Variants in GDF6 observed in about 807,000 individuals in gnomAD.
GDF6 encodes the protein growth/differentiation factor 6.
In GDF6, 3 loss-of-function variants were observed where a neutral mutation model predicts 32.4. The observed-to-expected ratio is 0.09, with a 90% CI of 0.04 to 0.24. GDF6 has a LOEUF of 0.24. GDF6 is among the 10% of genes least tolerant of loss of function. The pLI, the probability that GDF6 is intolerant of heterozygous loss-of-function variation, is 1.00. For missense variants in GDF6, 589 were observed against 637.9 expected, an observed-to-expected ratio of 0.92 and a Z score of 0.83; for synonymous variants, 296 against 295.3, an observed-to-expected ratio of 1.00 and a Z score of -0.03.
chr8:96,156,021 C>A (rs945541097), intron 1 of GDF6, among the ~76,000 whole-genome samples: 2 of 152,148 alleles, frequency 1.3e-5, no homozygotes, highest in Non-Finnish European at 2.9e-5. Flanking sequence ...TCCTGCTCTG[C>A]CCTTTGGTAA....
At position 96,143,796 on chromosome 8, in the gene GDF6, A is replaced by G. The variant is rs569599062; in HGVS notation, c.*767T>C. The G allele has an allele frequency of 3.6e-3, 559 of 153,186 alleles. 4 individuals are homozygous for G. Among genetic ancestry groups the G allele is most frequent in the Non-Finnish European group, 4.7e-3 (321 of 68,414 alleles). The allele number at this position is 153,186 out of a possible 1,614,324, so 9.5% of individuals were successfully genotyped here. ...CTTGCCCCCACCAGAAAAAGCAACAATGAAGGCAGAGACCTGGGCCCTCAG... is the reference window on the plus strand; with the variant it reads ...CTTGCCCCCACCAGAAAAAGCAACAGTGAAGGCAGAGACCTGGGCCCTCAG... On this transcript the variant is annotated 3_prime_UTR_variant, in exon 2 of 2. Transcript: ENST00000287020.
In GDF6 at chr8:96,160,384, C is replaced by G. The variant is rs374850065; in HGVS notation, c.309G>C (p.Arg103Ser). 1.2e-6 allele frequency: 2 copies of G among 1,614,086 alleles called. No individual in the cohort carries two copies. Among genetic ancestry groups the G allele is most frequent in the Non-Finnish European group, 1.7e-6 (2 of 1,180,038 alleles). The change falls in exon 1 of 2, where the codon AGG becomes AGC. Residue 103 changes from arginine (R) to serine (S), a missense_variant. Arg to Ser is a moderately radical substitution (Grantham distance 110). Around this residue, in one of 2 missense-constraint regions of GDF6, gnomAD observed 436 missense variants for 411.2 expected, o/e 1.06. Coordinates refer to ENST00000287020, the MANE Select transcript of GDF6 (RefSeq NM_001001557.4). ...CCAGCTTCTCAGCGATGGAGTAAGT[C>G]CTGTAGATTGACAGCATGTACTCGT... Reference protein sequence around the residue: ...VPHEYMLSIYRTYSIAEKLGI... With the variant: ...VPHEYMLSIYSTYSIAEKLGI...
At chr8:96,146,423 C>T (rs902909725) in intron 1 of GDF6, among the ~76,000 whole-genome samples, 12 of 151,850 alleles carry the variant, frequency 7.9e-5, no homozygotes, top group Non-Finnish European at 1.8e-4. Context: ...TGCTGCCCAT[C>T]AGGCGGTTTT....
At position 96,145,288 on chromosome 8, in the gene GDF6, A is replaced by G. The variant is rs2130207617; in HGVS notation, c.643T>C (p.Phe215Leu). 9 of 1,528,720 alleles carry G rather than the reference A, an allele frequency of 5.9e-6. No individual in the cohort carries two copies. Among genetic ancestry groups the G allele is most frequent in the Non-Finnish European group, 7.0e-6 (8 of 1,144,028 alleles). 94.7% of individuals were successfully genotyped at this position (1,528,720 alleles called of 1,614,324 possible). A position where few individuals can be genotyped will look rare whatever the true frequency, so the allele number is the denominator to read the frequency against. Reference protein sequence around the residue: ...QGAPPAGWEVFDVWQGLRHQP... With the variant: ...QGAPPAGWEVLDVWQGLRHQP... ...TGGCGCAGGCCCTGCCACACGTCGA[A>G]GACTTCCCAGCCGGCCGGCGGCGCC... is the stretch of plus-strand genomic sequence containing the variant. Residue 215 changes from phenylalanine (F) to leucine (L), a missense_variant, in exon 2 of 2, where the codon TTC (phenylalanine) becomes CTC (leucine). Phe to Leu is a conservative substitution (Grantham distance 22, BLOSUM62 0). Around this residue, in one of 2 missense-constraint regions of GDF6, gnomAD observed 436 missense variants for 411.2 expected, o/e 1.06. Coordinates refer to ENST00000287020, the MANE Select transcript of GDF6 (RefSeq NM_001001557.4). This position sits in a 1 kb window ranked among gnomAD's most constrained non-coding sequence, Gnocchi z 5.6.
Position 96,160,804 on chromosome 8 carries a change from T to C in GDF6, c.-112A>G. The C allele has an allele frequency of 1.0e-6, 1 of 970,830 alleles. No homozygotes were observed. The highest frequency in any genetic ancestry group is 1.5e-6 in the Non-Finnish European group (1 of 677,952). The allele number at this position is 970,830 out of a possible 1,614,324, so 60.1% of individuals were successfully genotyped here. Reference sequence around the variant, plus strand: ...CCCGGCTCCTCGGGCGGACTCGGAGTGCGAGGAGCCGGGTCCCAGCCACAC... The same window carrying C: ...CCCGGCTCCTCGGGCGGACTCGGAGCGCGAGGAGCCGGGTCCCAGCCACAC... On this transcript the variant is annotated 5_prime_UTR_variant, in exon 1 of 2. Coordinates refer to ENST00000287020, the MANE Select transcript of GDF6 (RefSeq NM_001001557.4).
In GDF6 at chr8:96,160,723, G is replaced by A. The variant is rs776208705; in HGVS notation, c.-31C>T. On this transcript the variant is annotated 5_prime_UTR_variant, in exon 1 of 2. Transcript: ENST00000287020. Reference sequence around the variant, plus strand: ...GCAAGTGGCTGCGTCTCCCCAGGAGGCGGTGGCGGCGGCGCAGGACGCGCG... The same window carrying A: ...GCAAGTGGCTGCGTCTCCCCAGGAGACGGTGGCGGCGGCGCAGGACGCGCG... 8 of 1,609,644 alleles carry A rather than the reference G, an allele frequency of 5.0e-6. No homozygotes were observed. The highest frequency in any genetic ancestry group is 3.3e-5 in the South Asian group (3 of 90,972).
rs188749696 is a variant in GDF6 at position 96,144,289 on chromosome 8, A to C, written c.*274T>G. 4.0e-6 allele frequency: 2 copies of C among 495,884 alleles called. No individual in the cohort carries two copies. The highest frequency in any genetic ancestry group is 2.4e-5 in the African/African-American group (1 of 42,062). 30.7% of individuals were successfully genotyped at this position (495,884 alleles called of 1,614,324 possible). On this transcript the variant is annotated 3_prime_UTR_variant, in exon 2 of 2. Transcript: ENST00000287020. This position sits in a 1 kb window ranked among gnomAD's most constrained non-coding sequence, Gnocchi z 5.1. Reference sequence around the variant, plus strand: ...GAGAGAGAGAGAGAGAGAGAGAGAGAGAAAACAGAACAAAAGAAATCCTCC... The same window carrying C: ...GAGAGAGAGAGAGAGAGAGAGAGAGCGAAAACAGAACAAAAGAAATCCTCC...
chr8:96,144,853 G>A lies in GDF6; in HGVS notation c.1078C>T (p.His360Tyr). The change falls in exon 2 of 2, where the codon CAC becomes TAC. Residue 360 changes from histidine to tyrosine, a missense_variant. Transcript: ENST00000287020. This position sits in a 1 kb window ranked among gnomAD's most constrained non-coding sequence, Gnocchi z 5.1. The stretch of plus-strand genomic sequence containing the variant: ...CAGCCCAGCTCCTTGAAGTTCACGT[G>A]CAGGGGCTTCTTGCTGCAGCGTAGC... ...SRLRCSKKPL[H>Y]VNFKELGWDD... 1.9e-6 allele frequency: 3 copies of A among 1,614,032 alleles called. No individual in the cohort carries two copies. Among genetic ancestry groups the A allele is most frequent in the Non-Finnish European group, 2.5e-6 (3 of 1,179,972 alleles).
At chr8:96,159,545 A>C (rs1055297634) in intron 1 of GDF6, among the ~76,000 whole-genome samples, 1 of 152,212 alleles carries the variant, frequency 6.6e-6, no homozygotes, top group Admixed American at 6.5e-5. Flanking sequence ...GGGCATACCC[A>C]TGTACCTTTG....
rs114788530 is a variant in GDF6 at position 96,153,014 on chromosome 8, T to A, written c.406+7273A>T. 1.7e-3 allele frequency among the ~76,000 whole-genome samples: 254 copies of A among 152,254 alleles called. 1 individual carries two copies. Among genetic ancestry groups the A allele is most frequent in the African/African-American group, 5.7e-3 (236 of 41,546 alleles). ...AAAGAAAAGAAAGGAGATCCTCGAA[T>A]CCCACCCAACTGAAAACAGCTTCGC... On this transcript the variant is annotated intron_variant, in intron 1 of 1. Coordinates refer to ENST00000287020, the MANE Select transcript of GDF6 (RefSeq NM_001001557.4).
At chr8:96,152,697 C>T (rs1812589128) in intron 1 of GDF6, among the ~76,000 whole-genome samples, 1 of 152,196 alleles carries the variant, frequency 6.6e-6, no homozygotes, top group Non-Finnish European at 1.5e-5. Context: ...ACCAGTCCAG[C>T]TTTTCTCATG....
intron 1 of GDF6, among the ~76,000 whole-genome samples, chr8:96,150,915 C>T (rs776512068): frequency 6.6e-6 from 1 of 152,308 alleles, no homozygotes. Context: ...GTCATTTTCT[C>T]AACTAAGTCT....
At chr8:96,156,255 A>G (rs980556399) in intron 1 of GDF6, among the ~76,000 whole-genome samples, 6 of 152,248 alleles carry the variant, frequency 3.9e-5, no homozygotes, top group African/African-American at 1.4e-4. Context: ...CAATAGTCTT[A>G]GACTCATTTC....
intron 1 of GDF6, among the ~76,000 whole-genome samples, chr8:96,146,707 C>CAGAGAGAGAGAG (rs1554571546): frequency 2.4e-4 from 34 of 140,014 alleles, no homozygotes; most frequent in African/African-American, 8.8e-4. Flanking sequence ...CACACACACA[C>CAGAGAGAGAGAG]AGAGAGAGAG....
intron 1 of GDF6, among the ~76,000 whole-genome samples, chr8:96,152,373 C>G (rs73698507): frequency 0.048 from 7,329 of 152,272 alleles, 589 homozygotes; most frequent in African/African-American, 0.17. Flanking sequence ...AGGCCAGTGA[C>G]AGCCCTTGTG....
intron 1 of GDF6, 23 bp downstream of exon 1, chr8:96,160,264 C>A: frequency 6.2e-7 from 1 of 1,613,850 alleles, no homozygotes; most frequent in Non-Finnish European, 8.5e-7. Flanking sequence ...GGAGGGGAGT[C>A]GAGCGTTTTC....
rs1812422119 is a variant in GDF6 at position 96,144,261 on chromosome 8, AG to A, written c.*301del. The A allele has an allele frequency of 4.7e-6, 2 of 424,934 alleles. No homozygotes were observed. The highest frequency in any genetic ancestry group is 8.6e-6 in the Non-Finnish European group (2 of 231,764). 26.3% of individuals were successfully genotyped at this position (424,934 alleles called of 1,614,324 possible). On this transcript the variant is annotated 3_prime_UTR_variant, in exon 2 of 2. Coordinates refer to ENST00000287020, the MANE Select transcript of GDF6 (RefSeq NM_001001557.4). The surrounding 1 kb of genome is among the most constrained non-coding windows in gnomAD (Gnocchi z 5.1). The stretch of plus-strand genomic sequence containing the variant: ...CACAGTAATAGAGAGAGAGAGAGAG[AG>A]AGAGAGAGAGAGAGAGAGAGAGAGA...
Position 96,144,912 on chromosome 8 carries a change from C to G in GDF6, c.1019G>C (p.Ser340Thr). 6.2e-7 allele frequency: 1 copy of G among 1,610,184 alleles called. No individual in the cohort carries two copies. Among genetic ancestry groups the G allele is most frequent in the South Asian group, 1.1e-5 (1 of 90,534 alleles). The change falls in exon 2 of 2, where the codon AGT becomes ACT. Residue 340 changes from serine to threonine, a missense_variant. Physicochemically the swap from Ser to Thr is moderately conservative, Grantham distance 58. Transcript: ENST00000287020. This position sits in a 1 kb window ranked among gnomAD's most constrained non-coding sequence, Gnocchi z 5.1. ...GRRRRRTAFASRHGKRHGKKS... is the reference protein window; with the variant it reads ...GRRRRRTAFATRHGKRHGKKS... ...CTTGCCGTGCCGCTTGCCATGGCGA[C>G]TGGCGAAGGCCGTGCGCCGCCGCCG...
chr8:96,147,651 A>G (rs922928259), intron 1 of GDF6, among the ~76,000 whole-genome samples: 1 of 152,272 alleles, frequency 6.6e-6, no homozygotes, highest in East Asian at 1.9e-4. Context: ...CAAAAGTCAG[A>G]CAGCCAGAAA....
Sources: gnomAD v4.1 joint callset for allele counts (sites outside exome capture counted in the v4.1 genomes callset) on GRCh38, gnomAD v4.1.1 for gene constraint, gnomAD v4.1.1 regional missense constraint, Gnocchi (gnomAD v3.1) non-coding constraint, MANE v1.5 for transcripts, NCBI Gene and HGNC (gene_info 2026-07-23, HGNC 2026-07-21) for gene names.